The following GPR158 variants were observed in gnomAD, a reference collection of about 807,000 sequenced individuals.
GPR158 encodes the protein G protein-coupled receptor 158, also known as metabotropic glycine receptor.
In GPR158, 30 loss-of-function variants were observed where a neutral mutation model predicts 78.2. The observed-to-expected ratio is 0.38, with a 90% CI of 0.29 to 0.52. The LOEUF (loss-of-function observed/expected upper bound fraction) is 0.52, where lower values mean the gene tolerates loss of function less well. GPR158 is among the 20% of genes least tolerant of loss of function. GPR158 has a pLI of 0.83. For missense variants in GPR158, 1,463 were observed against 1,523.5 expected (o/e 0.96, Z 0.66); for synonymous variants, 581 against 591.1 (o/e 0.98, Z 0.25).
At chr10:25,230,232 T>C (rs1466246580) in intron 2 of GPR158, among the ~76,000 whole-genome samples, 2 of 152,194 alleles carry the variant, frequency 1.3e-5, no homozygotes, top group Non-Finnish European at 2.9e-5. Flanking sequence ...TTTCTGATCA[T>C]AGGAAGAATG....
At chr10:25,334,719 T>C (rs941318237) in intron 2 of GPR158, among the ~76,000 whole-genome samples, 6 of 152,008 alleles carry the variant, frequency 3.9e-5, no homozygotes, top group African/African-American at 1.4e-4. Context: ...ATGGTATCAG[T>C]ATTACCTCCT....
chr10:25,514,721 C>A (rs796710160), intron 5 of GPR158, among the ~76,000 whole-genome samples: 65 of 152,220 alleles, frequency 4.3e-4, no homozygotes, highest in African/African-American at 1.5e-3. Context: ...GTTGTGAATT[C>A]TCTTAGCATT....
chr10:25,254,500 C>A (rs1211005759), intron 2 of GPR158, among the ~76,000 whole-genome samples: 1 of 152,086 alleles, frequency 6.6e-6, no homozygotes, highest in Non-Finnish European at 1.5e-5. Flanking sequence ...TTAATAATTT[C>A]CGTGTAGTCA....
chr10:25,585,062 C>T (rs896592169), intron 7 of GPR158, among the ~76,000 whole-genome samples: 2 of 152,232 alleles, frequency 1.3e-5, no homozygotes, highest in African/African-American at 4.8e-5. Context: ...ATTTGGCTGT[C>T]TATGATTGGC....
At chr10:25,597,410 T>C (rs1240166658) in intron 10 of GPR158, among the ~76,000 whole-genome samples, 1 of 152,242 alleles carries the variant, frequency 6.6e-6, no homozygotes. Context: ...TGCTTGCTCC[T>C]TGATGCAAGG....
chr10:25,585,890 A>T (rs1837259683), intron 7 of GPR158, among the ~76,000 whole-genome samples: 1 of 152,154 alleles, frequency 6.6e-6, no homozygotes, highest in Non-Finnish European at 1.5e-5. Context: ...GAGGCACAGG[A>T]ATCAGTTGAA....
chr10:25,260,862 C>G (rs1320247097), intron 2 of GPR158, among the ~76,000 whole-genome samples: 2 of 152,106 alleles, frequency 1.3e-5, no homozygotes, highest in Admixed American at 6.5e-5. Flanking sequence ...AGAATGATTT[C>G]TGACCTCTTA....
At chr10:25,498,602 A>G (rs973563320) in intron 5 of GPR158, among the ~76,000 whole-genome samples, 3 of 152,134 alleles carry the variant, frequency 2.0e-5, no homozygotes, top group Admixed American at 1.3e-4. Flanking sequence ...TTTGCACAAT[A>G]TCGGAGCTAG....
At chr10:25,482,190 TC>T (rs1835670844) in intron 5 of GPR158, among the ~76,000 whole-genome samples, 1 of 152,040 alleles carries the variant, frequency 6.6e-6, no homozygotes, top group African/African-American at 2.4e-5. Flanking sequence ...AAAATTCTAT[TC>T]TTTTTTTTAA....
At chr10:25,247,216 A>C (rs978896382) in intron 2 of GPR158, among the ~76,000 whole-genome samples, 11 of 152,152 alleles carry the variant, frequency 7.2e-5, no homozygotes, top group Non-Finnish European at 1.3e-4. Flanking sequence ...TGTGTCAACT[A>C]TCTTATCAAA....
At chr10:25,424,114 G>T (rs1588856697) in intron 4 of GPR158, among the ~76,000 whole-genome samples, 1 of 152,130 alleles carries the variant, frequency 6.6e-6, no homozygotes, top group East Asian at 1.9e-4. Flanking sequence ...ATTTTGATTT[G>T]CATTTCTCTG....
chr10:25,496,881 C>T (rs1249712978), intron 5 of GPR158, among the ~76,000 whole-genome samples: 4 of 152,092 alleles, frequency 2.6e-5, no homozygotes, highest in Non-Finnish European at 5.9e-5. Flanking sequence ...GTTTGATCAA[C>T]GAGGAAGTAT....
At chr10:25,231,164 C>T (rs1354402582) in intron 2 of GPR158, among the ~76,000 whole-genome samples, 1 of 152,148 alleles carries the variant, frequency 6.6e-6, no homozygotes, top group African/African-American at 2.4e-5. Flanking sequence ...AGCATTGCCA[C>T]GTTCATTCAA....
chr10:25,423,243 T>A (rs1158654798), intron 4 of GPR158, among the ~76,000 whole-genome samples: 5 of 151,808 alleles, frequency 3.3e-5, no homozygotes, highest in South Asian at 4.2e-4. Flanking sequence ...TGATGGACAT[T>A]TGGGCTGATT....
chr10:25,577,683 A>G (rs1375490969), intron 7 of GPR158, among the ~76,000 whole-genome samples: 2 of 152,218 alleles, frequency 1.3e-5, no homozygotes, highest in African/African-American at 4.8e-5. Flanking sequence ...AAGTGTTTCA[A>G]AAGAGAAAAC....
chr10:25,557,999 CTTTA>C (rs1836807684), intron 6 of GPR158, among the ~76,000 whole-genome samples: 1 of 152,216 alleles, frequency 6.6e-6, no homozygotes, highest in Admixed American at 6.5e-5. Context: ...TTGAAATACA[CTTTA>C]TTTAACATCT....
intron 5 of GPR158, among the ~76,000 whole-genome samples, chr10:25,473,756 T>G (rs2130627110): frequency 6.6e-6 from 1 of 152,270 alleles, no homozygotes; most frequent in South Asian, 2.1e-4. Flanking sequence ...GTGTTTATAG[T>G]CTTTGCCCAT....
intron 5 of GPR158, among the ~76,000 whole-genome samples, chr10:25,490,849 A>G (rs1394842621): frequency 6.6e-6 from 1 of 152,028 alleles, no homozygotes; most frequent in Non-Finnish European, 1.5e-5. Flanking sequence ...CCAGTTCTAG[A>G]TACACATTTT....
chr10:25,323,434 G>T (rs1217755317), intron 2 of GPR158, among the ~76,000 whole-genome samples: 1 of 152,122 alleles, frequency 6.6e-6, no homozygotes, highest in Non-Finnish European at 1.5e-5. Flanking sequence ...GCTATGAAAG[G>T]CCCAGATGAC....
Sources: gnomAD v4.1 joint callset for allele counts (sites outside exome capture counted in the v4.1 genomes callset) on GRCh38, gnomAD v4.1.1 for gene constraint, MANE v1.5 for transcripts, NCBI Gene and HGNC (gene_info 2026-07-23, HGNC 2026-07-21) for gene names.